Variants in CNTNAP5 observed in about 807,000 individuals in gnomAD.
CNTNAP5 encodes contactin associated protein family member 5, also known as contactin-associated protein-like 5.
A neutral mutation model predicts 150.2 loss-of-function variants in CNTNAP5; 72 were observed. The ratio of observed to expected loss-of-function variants is 0.48; its 90% CI spans 0.40 to 0.58. The LOEUF (loss-of-function observed/expected upper bound fraction) is 0.58, where lower values mean the gene tolerates loss of function less well. Ranked by LOEUF, CNTNAP5 falls within the 20% of genes least tolerant of loss-of-function variation. The pLI, the probability that CNTNAP5 is intolerant of heterozygous loss-of-function variation, is 0.00. For synonymous variants in CNTNAP5, 672 were observed against 619.8 expected (o/e 1.08, Z -1.25); for missense variants, 1,636 against 1,626.2 (o/e 1.01, Z -0.10).
intron 1 of CNTNAP5, among the ~76,000 whole-genome samples, chr2:124,088,806 T>C (rs972976743): frequency 6.6e-6 from 1 of 152,162 alleles, no homozygotes; most frequent in Non-Finnish European, 1.5e-5. Flanking sequence ...GGCTCCCTAC[T>C]TGGCTTTATT....
chr2:124,498,531 G>T (rs917471263), intron 7 of CNTNAP5, among the ~76,000 whole-genome samples: 9 of 152,178 alleles, frequency 5.9e-5, no homozygotes, highest in African/African-American at 2.2e-4. Context: ...CAAATTCCTG[G>T]ATTGAAGTGA....
intron 19 of CNTNAP5, among the ~76,000 whole-genome samples, chr2:124,832,961 G>A (rs926946450): frequency 2.7e-5 from 4 of 148,278 alleles, no homozygotes; most frequent in Non-Finnish European, 5.9e-5. Flanking sequence ...CCCCCAGGCT[G>A]GAGAGTGGCA....
At chr2:124,786,387 GA>G (rs755879478) in intron 17 of CNTNAP5, among the ~76,000 whole-genome samples, 2,139 of 83,868 alleles carry the variant, frequency 0.026, 13 homozygotes, top group Non-Finnish European at 0.03. Flanking sequence ...AAGAAAGAAA[GA>G]AAGAAAGAAA....
intron 3 of CNTNAP5, among the ~76,000 whole-genome samples, chr2:124,413,213 T>C (rs1691822212): frequency 1.4e-5 from 2 of 145,864 alleles, no homozygotes; most frequent in South Asian, 4.4e-4. Flanking sequence ...ATGGCGTTCA[T>C]TAAAAAGTCA....
At chr2:124,057,916 C>T (rs1250273896) in intron 1 of CNTNAP5, among the ~76,000 whole-genome samples, 1 of 152,064 alleles carries the variant, frequency 6.6e-6, no homozygotes, top group Non-Finnish European at 1.5e-5. Context: ...GCACTATATG[C>T]TTGTATCAAA....
intron 19 of CNTNAP5, among the ~76,000 whole-genome samples, chr2:124,813,099 T>C (rs1418239381): frequency 6.6e-6 from 1 of 151,998 alleles, no homozygotes; most frequent in African/African-American, 2.4e-5. Flanking sequence ...TTTTTTGTGA[T>C]GGAGTCTTGC....
intron 4 of CNTNAP5, among the ~76,000 whole-genome samples, chr2:124,419,655 T>C (rs896194789): frequency 6.6e-6 from 1 of 152,086 alleles, no homozygotes; most frequent in Non-Finnish European, 1.5e-5. Context: ...TCACCAATAA[T>C]GGGAAGTTAA....
intron 19 of CNTNAP5, among the ~76,000 whole-genome samples, chr2:124,804,390 C>T (rs572332401): frequency 6.6e-6 from 1 of 152,250 alleles, no homozygotes; most frequent in East Asian, 1.9e-4. Flanking sequence ...TTTCTCTTCT[C>T]TTTGTTGTTG....
intron 1 of CNTNAP5, among the ~76,000 whole-genome samples, chr2:124,050,686 G>A (rs4848233): frequency 0.12 from 17,870 of 152,082 alleles, 1,123 homozygotes; most frequent in South Asian, 0.22. Flanking sequence ...ACTGGCAGGT[G>A]AGCTGAGCAG....
At chr2:124,058,563 C>A (rs1681918704) in intron 1 of CNTNAP5, among the ~76,000 whole-genome samples, 1 of 152,178 alleles carries the variant, frequency 6.6e-6, no homozygotes, top group South Asian at 2.1e-4. Flanking sequence ...TCCCTCTCCT[C>A]CCTGTACTAT....
chr2:124,236,244 G>T (rs970841789), intron 2 of CNTNAP5, among the ~76,000 whole-genome samples: 1 of 152,180 alleles, frequency 6.6e-6, no homozygotes, highest in Non-Finnish European at 1.5e-5. Context: ...AGGATTACAG[G>T]CGTGAGCCAA....
chr2:124,092,338 T>A (rs1682834545), intron 1 of CNTNAP5, among the ~76,000 whole-genome samples: 1 of 152,200 alleles, frequency 6.6e-6, no homozygotes, highest in African/African-American at 2.4e-5. Context: ...ATAGTAAATA[T>A]TTTAGGCTTT....
chr2:124,583,388 T>G (rs1696457370), intron 11 of CNTNAP5, among the ~76,000 whole-genome samples: 1 of 152,246 alleles, frequency 6.6e-6, no homozygotes. Context: ...ATCCACAGCA[T>G]CATTTCCCCT....
At chr2:124,120,228 C>T (rs757805965) in intron 1 of CNTNAP5, among the ~76,000 whole-genome samples, 5 of 152,276 alleles carry the variant, frequency 3.3e-5, no homozygotes, top group Non-Finnish European at 7.3e-5. Context: ...AAAGTAGATG[C>T]TCCCCAACCG....
intron 13 of CNTNAP5, among the ~76,000 whole-genome samples, chr2:124,664,069 A>G (rs1051072480): frequency 3.3e-5 from 5 of 152,236 alleles, no homozygotes; most frequent in Non-Finnish European, 7.3e-5. Context: ...GGCACAAAGT[A>G]GGTCTCCCTC....
intron 19 of CNTNAP5, among the ~76,000 whole-genome samples, chr2:124,806,782 G>T (rs1228492896): frequency 6.6e-6 from 1 of 152,150 alleles, no homozygotes; most frequent in Non-Finnish European, 1.5e-5. Flanking sequence ...ACAGCCGTGT[G>T]GTGGGGCATT....
chr2:124,751,957 G>A (rs759023067), intron 14 of CNTNAP5, among the ~76,000 whole-genome samples: 2 of 152,184 alleles, frequency 1.3e-5, no homozygotes, highest in Non-Finnish European at 1.5e-5. Flanking sequence ...TCTCAGAGAT[G>A]ATAAATGGTT....
At chr2:124,302,741 C>G (rs1198245866) in intron 3 of CNTNAP5, among the ~76,000 whole-genome samples, 2 of 152,156 alleles carry the variant, frequency 1.3e-5, no homozygotes, top group Non-Finnish European at 2.9e-5. Flanking sequence ...ACAGTGGTAC[C>G]CATTTTTGTC....
At chr2:124,750,316 G>A (rs1445215174) in intron 14 of CNTNAP5, among the ~76,000 whole-genome samples, 1 of 152,158 alleles carries the variant, frequency 6.6e-6, no homozygotes, top group Non-Finnish European at 1.5e-5. Flanking sequence ...ATAGCAGCAC[G>A]TTGACCATCT....
Sources: allele counts gnomAD v4.1 joint callset (sites outside exome capture counted in the v4.1 genomes callset), GRCh38; gene constraint gnomAD v4.1.1; transcripts MANE v1.5; gene names NCBI Gene and HGNC (gene_info 2026-07-23, HGNC 2026-07-21).